The following ERBB4 variants were observed in gnomAD, a reference collection of about 807,000 sequenced individuals.
ERBB4 encodes erb-b2 receptor tyrosine kinase 4.
Under a neutral mutation model 158.0 loss-of-function variants are expected in ERBB4, and 42 were observed. The ratio of observed to expected loss-of-function variants is 0.27; its 90% CI spans 0.21 to 0.34. The LOEUF is 0.34. ERBB4 is among the 10% of genes least tolerant of loss of function. The pLI is 1.00. For missense variants in ERBB4, 1,333 were observed against 1,624.1 expected, an observed-to-expected ratio of 0.82 and a Z score of 3.08; for synonymous variants, 583 against 558.7, an observed-to-expected ratio of 1.04 and a Z score of -0.61.
chr2:211,891,890 G>GA (rs2078978625), intron 3 of ERBB4, among the ~76,000 whole-genome samples: 1 of 136,298 alleles, frequency 7.3e-6, no homozygotes, highest in South Asian at 2.4e-4. Context: ...ACCAATAACA[G>GA]GAGCTGAAAT....
intron 1 of ERBB4, among the ~76,000 whole-genome samples, chr2:212,456,365 G>A (rs532097095): frequency 2.2e-4 from 33 of 152,052 alleles, no homozygotes; most frequent in African/African-American, 6.7e-4. Flanking sequence ...CACTAAATAA[G>A]TGTAAAATAT....
chr2:211,585,638 C>T (rs575482506), intron 19 of ERBB4, among the ~76,000 whole-genome samples: 1 of 151,962 alleles, frequency 6.6e-6, no homozygotes, highest in African/African-American at 2.4e-5. Context: ...TATTTACAAA[C>T]AGCTTCAATA....
chr2:212,458,123 T>C lies in ERBB4; in HGVS notation c.82+80326A>G, dbSNP rs547245034. On this transcript the variant is annotated intron_variant, in intron 1 of 27. Transcript: ENST00000342788. ...AACAAATATTATTAGATACCTACTA[T>C]GTGTCATATACTTTGCCATTTGCTG... 3.9e-5 allele frequency among the ~76,000 whole-genome samples: 6 copies of C among 152,238 alleles called. No homozygotes were observed. The East Asian group carries it at 1.2e-3, about 29-fold the overall frequency.
chr2:211,832,088 A>G (rs2077233692), intron 3 of ERBB4, among the ~76,000 whole-genome samples: 1 of 152,220 alleles, frequency 6.6e-6, no homozygotes, highest in African/African-American at 2.4e-5. Flanking sequence ...TTGAAAGTAA[A>G]AGGTGAATAA....
intron 25 of ERBB4, among the ~76,000 whole-genome samples, chr2:211,412,853 C>G (rs988973680): frequency 6.6e-6 from 1 of 150,530 alleles, no homozygotes; most frequent in African/African-American, 2.4e-5. Flanking sequence ...ACTCAGGAGG[C>G]TGAGGCAGGA....
At chr2:212,078,523 C>T (rs1433190351) in intron 2 of ERBB4, among the ~76,000 whole-genome samples, 1 of 151,840 alleles carries the variant, frequency 6.6e-6, no homozygotes, top group Non-Finnish European at 1.5e-5. Flanking sequence ...TAAAAATTAT[C>T]TTTGCAAGGA....
intron 20 of ERBB4, among the ~76,000 whole-genome samples, chr2:211,433,890 A>G (rs768972536): frequency 1.3e-5 from 2 of 152,128 alleles, no homozygotes; most frequent in Non-Finnish European, 2.9e-5. Flanking sequence ...CCCTCCGCTC[A>G]CTATTTCTTC....
intron 4 of ERBB4, among the ~76,000 whole-genome samples, chr2:211,767,210 G>C (rs1206649787): frequency 1.3e-5 from 2 of 152,026 alleles, no homozygotes; most frequent in Non-Finnish European, 2.9e-5. Context: ...AAAACACCAA[G>C]AACCTGGTCA....
intron 17 of ERBB4, among the ~76,000 whole-genome samples, chr2:211,624,463 T>G (rs531580181): frequency 1.6e-4 from 24 of 152,266 alleles, no homozygotes; most frequent in African/African-American, 5.5e-4. Flanking sequence ...AACTTTAGTG[T>G]ATATCTGAAT....
chr2:211,863,116 A>G (rs1968533), intron 3 of ERBB4, among the ~76,000 whole-genome samples: 1 of 148,280 alleles, frequency 6.7e-6, no homozygotes, highest in African/African-American at 2.6e-5. Context: ...ACAAATCAGC[A>G]CTCTGTAAAA....
At chr2:212,356,207 G>T (rs1417920028) in intron 1 of ERBB4, among the ~76,000 whole-genome samples, 1 of 151,906 alleles carries the variant, frequency 6.6e-6, no homozygotes, top group Non-Finnish European at 1.5e-5. Context: ...GACTGCTTCA[G>T]CCAGTACTTT....
intron 1 of ERBB4, among the ~76,000 whole-genome samples, chr2:212,260,070 G>GA (rs750606432): frequency 0.034 from 1,943 of 56,850 alleles, 21 homozygotes; most frequent in African/African-American, 0.085. Context: ...CTCTGTCTCA[G>GA]AAAAAAAAAA....
chr2:212,071,632 T>C (rs1387155665), intron 2 of ERBB4, among the ~76,000 whole-genome samples: 1 of 152,044 alleles, frequency 6.6e-6, no homozygotes, highest in Non-Finnish European at 1.5e-5. Flanking sequence ...AAAATATTTA[T>C]TCACGAGAAA....
chr2:211,895,625 A>C (rs2125017619), intron 3 of ERBB4, among the ~76,000 whole-genome samples: 1 of 152,170 alleles, frequency 6.6e-6, no homozygotes, highest in East Asian at 1.9e-4. Flanking sequence ...CATACAGGTA[A>C]AATGTAACAT....
intron 4 of ERBB4, among the ~76,000 whole-genome samples, chr2:211,771,621 G>A (rs1337424303): frequency 6.6e-6 from 1 of 152,184 alleles, no homozygotes; most frequent in Non-Finnish European, 1.5e-5. Flanking sequence ...AGAAAATGAT[G>A]CTGAAGAGTC....
chr2:212,487,386 AT>A (rs1285160161), intron 1 of ERBB4, among the ~76,000 whole-genome samples: 8 of 152,166 alleles, frequency 5.3e-5, no homozygotes, highest in Non-Finnish European at 1.0e-4. Flanking sequence ...TAAAATCCTT[AT>A]CAGAATATAA....
chr2:211,766,330 C>A (rs923664589), intron 4 of ERBB4, among the ~76,000 whole-genome samples: 3 of 152,296 alleles, frequency 2.0e-5, no homozygotes, highest in African/African-American at 7.2e-5. Flanking sequence ...CCTGTAGATA[C>A]CACATCCCTT....
rs114418987 is a variant in ERBB4 at position 211,981,660 on chromosome 2, A to C, written c.235-34044T>G. 6.6e-3 allele frequency among the ~76,000 whole-genome samples: 1,010 copies of C among 152,236 alleles called. 15 individuals are homozygous for C. Among genetic ancestry groups the C allele is most frequent in the African/African-American group, 0.023 (955 of 41,540 alleles). ...ATCCTGATGTGCTTTTGAAACCCTCACATCACTTCTAGCAATTTTTCCCTG... is the reference window on the plus strand; with the variant it reads ...ATCCTGATGTGCTTTTGAAACCCTCCCATCACTTCTAGCAATTTTTCCCTG... On this transcript the variant is annotated intron_variant, in intron 2 of 27. Coordinates refer to ENST00000342788, the MANE Select transcript of ERBB4 (RefSeq NM_005235.3).
chr2:211,906,174 C>T (rs2079387496), intron 3 of ERBB4, among the ~76,000 whole-genome samples: 1 of 152,054 alleles, frequency 6.6e-6, no homozygotes, highest in Admixed American at 6.6e-5. Context: ...AGAAGCTACT[C>T]TAATAATCCA....
Sources: gnomAD v4.1 joint callset for allele counts (sites outside exome capture counted in the v4.1 genomes callset) on GRCh38, gnomAD v4.1.1 for gene constraint, MANE v1.5 for transcripts, NCBI Gene and HGNC (gene_info 2026-07-23, HGNC 2026-07-21) for gene names.